Variants in DOK5 observed in about 807,000 individuals in gnomAD.
DOK5 encodes docking protein 5.
Under a neutral mutation model 43.3 loss-of-function variants are expected in DOK5, and 27 were observed. That is an observed-to-expected ratio of 0.62 (90% CI 0.46 to 0.86). The LOEUF (loss-of-function observed/expected upper bound fraction) is 0.86. DOK5 is among the 40% of genes least tolerant of loss of function. DOK5 has a pLI of 0.00. For missense variants in DOK5, 373 were observed against 392.9 expected (o/e 0.95, Z 0.43); for synonymous variants, 146 against 140.1 (o/e 1.04, Z -0.30).
chr20:54,508,908 G>A (rs903614865), intron 1 of DOK5, among the ~76,000 whole-genome samples: 5 of 148,996 alleles, frequency 3.4e-5, no homozygotes, highest in Admixed American at 6.8e-5. Flanking sequence ...ACAGAGTCTC[G>A]CTGTCTCACC....
At chr20:54,571,109 G>C (rs1985266903) in intron 2 of DOK5, among the ~76,000 whole-genome samples, 1 of 152,168 alleles carries the variant, frequency 6.6e-6, no homozygotes, top group South Asian at 2.1e-4. Context: ...AGAGTGTTGA[G>C]TATTTCTTTC....
intron 6 of DOK5, among the ~76,000 whole-genome samples, chr20:54,628,704 G>C (rs969955343): frequency 1.3e-5 from 2 of 152,000 alleles, no homozygotes; most frequent in Non-Finnish European, 2.9e-5. Context: ...AAATGAACCT[G>C]CTCCGTCAAG....
chr20:54,524,518 T>C (rs190503963), intron 1 of DOK5, among the ~76,000 whole-genome samples: 2 of 152,338 alleles, frequency 1.3e-5, no homozygotes. Context: ...CAGCCTATTG[T>C]ATGCCTCAGG....
At chr20:54,535,379 G>T (rs1001962486) in intron 1 of DOK5, among the ~76,000 whole-genome samples, 2 of 151,680 alleles carry the variant, frequency 1.3e-5, no homozygotes, top group Admixed American at 6.6e-5. Context: ...TCTATACTGA[G>T]CCTTCTCACA....
At chr20:54,481,329 C>T in intron 1 of DOK5, among the ~76,000 whole-genome samples, 1 of 152,062 alleles carries the variant, frequency 6.6e-6, no homozygotes, top group Middle Eastern at 3.2e-3. Context: ...ACCACCATAC[C>T]CAGCTAATTT....
intron 1 of DOK5, among the ~76,000 whole-genome samples, chr20:54,492,787 C>T (rs930891621): frequency 3.3e-5 from 5 of 151,828 alleles, no homozygotes; most frequent in African/African-American, 9.7e-5. Flanking sequence ...GGTGCGGTGG[C>T]TCACGCCTGT....
In DOK5 at chr20:54,538,309, G is replaced by A. The variant is rs1984026729; in HGVS notation, c.67-16624G>A. On this transcript the variant is annotated intron_variant, in intron 1 of 7. Transcript: ENST00000262593. ...AATGGCTGAAAAGATTTGGCAGAAG[G>A]AAGTTTACTCATCCAGTGCTAAGAG... 2.6e-5 allele frequency among the ~76,000 whole-genome samples: 4 copies of A among 151,948 alleles called. No homozygotes were observed. The South Asian group carries it at 8.3e-4, about 32-fold the overall frequency.
chr20:54,582,108 T>C (rs1342330752), intron 2 of DOK5, among the ~76,000 whole-genome samples: 1 of 152,006 alleles, frequency 6.6e-6, no homozygotes, highest in Non-Finnish European at 1.5e-5. Context: ...AAATGCCTTT[T>C]CTGCATCTGT....
intron 1 of DOK5, among the ~76,000 whole-genome samples, chr20:54,526,294 T>G (rs1291667587): frequency 5.9e-5 from 9 of 152,132 alleles, no homozygotes; most frequent in African/African-American, 1.7e-4. Context: ...AGGGGTGTCT[T>G]TTCTGTGCAT....
intron 5 of DOK5, among the ~76,000 whole-genome samples, chr20:54,592,848 T>C (rs1273515863): frequency 6.6e-6 from 1 of 152,184 alleles, no homozygotes; most frequent in Non-Finnish European, 1.5e-5. Flanking sequence ...ATTTTCTATT[T>C]TAGAATTTTA....
intron 1 of DOK5, among the ~76,000 whole-genome samples, chr20:54,551,499 T>A (rs982891078): frequency 1.3e-5 from 2 of 152,216 alleles, no homozygotes; most frequent in Non-Finnish European, 2.9e-5. Context: ...GCATTTTCTT[T>A]TTATCGTTTT....
intron 2 of DOK5, among the ~76,000 whole-genome samples, chr20:54,574,105 G>A (rs1985380944): frequency 1.3e-5 from 2 of 152,098 alleles, no homozygotes; most frequent in Non-Finnish European, 2.9e-5. Context: ...GAGCCGGACC[G>A]CCTTCCCCAT....
At chr20:54,633,599 T>G (rs1978674940) in intron 6 of DOK5, among the ~76,000 whole-genome samples, 1 of 152,248 alleles carries the variant, frequency 6.6e-6, no homozygotes, top group African/African-American at 2.4e-5. Flanking sequence ...CTGACTCAGC[T>G]GAATCTTATC....
At chr20:54,644,549 C>CAA (rs543925343) in intron 7 of DOK5, among the ~76,000 whole-genome samples, 13 of 150,544 alleles carry the variant, frequency 8.6e-5, no homozygotes, top group African/African-American at 2.2e-4. Flanking sequence ...CTAAAAAACA[C>CAA]AAAAAAATTA....
intron 6 of DOK5, among the ~76,000 whole-genome samples, chr20:54,620,314 C>T (rs1455999435): frequency 6.6e-6 from 1 of 152,210 alleles, no homozygotes; most frequent in African/African-American, 2.4e-5. Flanking sequence ...TCTCGGCTCA[C>T]TGCAACCCCC....
intron 1 of DOK5, among the ~76,000 whole-genome samples, chr20:54,503,467 A>T (rs6014039): frequency 0.073 from 11,104 of 152,018 alleles, 1,381 homozygotes; most frequent in African/African-American, 0.25. Flanking sequence ...GATTTTTTTT[A>T]AAAAAATGGA....
intron 2 of DOK5, among the ~76,000 whole-genome samples, chr20:54,561,382 G>C (rs1283056781): frequency 1.3e-5 from 2 of 152,216 alleles, no homozygotes; most frequent in African/African-American, 4.8e-5. Flanking sequence ...TCCTGCAACT[G>C]ATTCCTGGCC....
chr20:54,616,799 T>G lies in DOK5; in HGVS notation c.735+6276T>G, dbSNP rs1482816803. Among the ~76,000 whole-genome samples, 22 of 146,422 alleles carry G rather than the reference T, an allele frequency of 1.5e-4. No homozygotes were observed. In the East Asian group the frequency reaches 1.8e-3, roughly 12 times the overall value. ...TTTTTTTTTTCTTTTTTTTTTTTTT[T>G]TGTGTAGAGAAGGAGTCTCACTCTG... On this transcript the variant is annotated intron_variant, in intron 6 of 7. Coordinates refer to ENST00000262593, the MANE Select transcript of DOK5 (RefSeq NM_018431.5).
chr20:54,596,452 T>A (rs1039138344), intron 5 of DOK5, among the ~76,000 whole-genome samples: 3 of 152,210 alleles, frequency 2.0e-5, no homozygotes, highest in Non-Finnish European at 1.5e-5. Flanking sequence ...GAACTAGAAC[T>A]GAGTGTTATT....
Sources: gnomAD v4.1 joint callset for allele counts (sites outside exome capture counted in the v4.1 genomes callset) on GRCh38, gnomAD v4.1.1 for gene constraint, MANE v1.5 for transcripts, NCBI Gene and HGNC (gene_info 2026-07-23, HGNC 2026-07-21) for gene names.